The following PAH variants were observed in gnomAD, a reference collection of about 807,000 sequenced individuals.
PAH encodes phenylalanine hydroxylase.
A neutral mutation model predicts 62.0 loss-of-function variants in PAH; 64 were observed. The observed-to-expected ratio is 1.03, with a 90% confidence interval of 0.84 to 1.27. The LOEUF (loss-of-function observed/expected upper bound fraction) is 1.27, where lower values mean the gene tolerates loss of function less well. Among genes scored for constraint, PAH ranks in the 50% most tolerant of loss-of-function variants. PAH has a pLI of 0.00. For synonymous variants in PAH, 195 were observed against 196.2 expected, an observed-to-expected ratio of 0.99 and a Z score of 0.05; for missense variants, 579 against 542.8, an observed-to-expected ratio of 1.07 and a Z score of -0.66.
intron 4 of PAH, 107 bp downstream of exon 4, chr12:102,877,355 T>C: frequency 2.3e-6 from 2 of 879,274 alleles, no homozygotes; most frequent in Non-Finnish European, 3.9e-6. Context: ...TAAGTGTTTG[T>C]TGAACAAGTG....
intron 1 of PAH, 36 bp downstream of exon 1, chr12:102,917,035 T>G: frequency 6.2e-7 from 1 of 1,603,102 alleles, no homozygotes; most frequent in Non-Finnish European, 8.5e-7. Context: ...AGGCCCAAAT[T>G]CCCCTAACTG....
At chr12:102,952,059 G>A (rs1252032220), upstream of PAH, among the ~76,000 whole-genome samples, 2 of 152,090 alleles carry the variant, frequency 1.3e-5, no homozygotes, top group Non-Finnish European at 2.9e-5. Context: ...ACTCAAGAGC[G>A]CTTTTTCTTG....
At chr12:102,923,221 G>A (rs36089410) in intron 1 of PAH, among the ~76,000 whole-genome samples, 22,853 of 152,184 alleles carry the variant, frequency 0.15, 1,785 homozygotes, top group African/African-American at 0.16. Flanking sequence ...CACACTTGTG[G>A]ATGATAATGC....
chr12:102,850,934 T>C (rs776379983), intron 8 of PAH, among the ~76,000 whole-genome samples: 3 of 151,912 alleles, frequency 2.0e-5, no homozygotes, highest in Non-Finnish European at 2.9e-5. Context: ...AATTAAAACA[T>C]TCAGCCAGGC....
intron 1 of PAH, among the ~76,000 whole-genome samples, chr12:102,931,735 T>A (rs1878882990): frequency 6.6e-6 from 1 of 152,200 alleles, no homozygotes; most frequent in Non-Finnish European, 1.5e-5. Context: ...TTCAGCCTTT[T>A]TCCTTGCCCT....
intron 2 of PAH, among the ~76,000 whole-genome samples, chr12:102,896,191 G>A (rs114226296): frequency 6.6e-6 from 1 of 150,504 alleles, no homozygotes; most frequent in Middle Eastern, 3.2e-3. Flanking sequence ...GGCACATGGG[G>A]CCTCATTGGG....
At chr12:102,909,418 A>T (rs1213393791) in intron 2 of PAH, among the ~76,000 whole-genome samples, 2 of 152,108 alleles carry the variant, frequency 1.3e-5, no homozygotes, top group East Asian at 1.9e-4. Context: ...TATTAAGGAA[A>T]GGTTTGTTTT....
chr12:102,951,062 G>T (rs1268183964), upstream of PAH, among the ~76,000 whole-genome samples: 10 of 152,130 alleles, frequency 6.6e-5, 1 homozygote, highest in Admixed American at 4.6e-4. Context: ...TGTGCGTGGG[G>T]GGGGAAGCAG....
chr12:102,939,841 AC>A (rs926770613), intron 1 of PAH, among the ~76,000 whole-genome samples: 7 of 152,168 alleles, frequency 4.6e-5, no homozygotes, highest in African/African-American at 1.7e-4. Flanking sequence ...TAGGGAGGAA[AC>A]AAAAGCCCAA....
chr12:102,857,615 C>T (rs1412152575), intron 5 of PAH, among the ~76,000 whole-genome samples: 6 of 152,250 alleles, frequency 3.9e-5, no homozygotes, highest in South Asian at 2.1e-4. Context: ...ATCAGACTAA[C>T]AGCTGATCTC....
At chr12:102,947,090 TAGGG>T (rs1374484819) in intron 1 of PAH, among the ~76,000 whole-genome samples, 2 of 152,134 alleles carry the variant, frequency 1.3e-5, no homozygotes, top group Admixed American at 6.5e-5. Context: ...GATATAGTAA[TAGGG>T]AGGAAGAAAA....
chr12:102,843,465 A>C (rs1015808825), intron 11 of PAH, among the ~76,000 whole-genome samples, 181 bp downstream of exon 11: 2 of 152,128 alleles, frequency 1.3e-5, no homozygotes, highest in Non-Finnish European at 2.9e-5. Context: ...AAAGGTCAGC[A>C]TGCCCAACCT....
At chr12:102,850,800 T>G (rs960925012) in intron 8 of PAH, among the ~76,000 whole-genome samples, 4 of 152,142 alleles carry the variant, frequency 2.6e-5, no homozygotes, top group African/African-American at 9.7e-5. Context: ...CAAAACTTTC[T>G]TTTTTGGCCA....
chr12:102,869,655 G>A (rs529989844), intron 4 of PAH, among the ~76,000 whole-genome samples: 55 of 152,272 alleles, frequency 3.6e-4, no homozygotes, highest in African/African-American at 1.2e-3. Context: ...CCAGCTCCTG[G>A]TTTCTAAGTT....
chr12:102,948,729 C>A (rs1472325141), intron 1 of PAH, among the ~76,000 whole-genome samples: 1 of 152,186 alleles, frequency 6.6e-6, no homozygotes, highest in Admixed American at 6.5e-5. Flanking sequence ...ACCCAGAATA[C>A]CTCTAGAGAA....
At chr12:102,910,570 C>T (rs1878167284) in intron 2 of PAH, among the ~76,000 whole-genome samples, 3 of 152,052 alleles carry the variant, frequency 2.0e-5, no homozygotes, top group Admixed American at 2.0e-4. Flanking sequence ...CGGGGTTTCA[C>T]CATGTTAGCC....
intron 1 of PAH, among the ~76,000 whole-genome samples, chr12:102,940,369 G>C (rs952049719): frequency 2.0e-5 from 3 of 152,150 alleles, no homozygotes; most frequent in African/African-American, 7.2e-5. Context: ...AATCTAGATG[G>C]CAATGAATAT....
intron 4 of PAH, among the ~76,000 whole-genome samples, chr12:102,867,631 T>C (rs1876035355): frequency 6.6e-6 from 1 of 152,072 alleles, no homozygotes; most frequent in South Asian, 2.1e-4. Context: ...GCTCACAATT[T>C]CTCTGCTCCA....
In PAH at chr12:102,868,176, GTA is replaced by G. The variant is rs201396594; in HGVS notation, c.442-1515_442-1514del. ...TATACACATATATATACATATATGT[GTA>G]TATATATATATATATATATATATAT... On this transcript the variant is annotated intron_variant, in intron 4 of 12. Coordinates refer to ENST00000553106, the MANE Select transcript of PAH (RefSeq NM_000277.3). Among the ~76,000 whole-genome samples the G allele has an allele frequency of 7.5e-3, 18 of 2,388 alleles. 2 individuals are homozygous for G. The highest frequency in any genetic ancestry group is 0.067 in the South Asian group (4 of 60). 1.6% of individuals were successfully genotyped at this position (2,388 alleles called of 152,430 possible).
Sources: allele counts gnomAD v4.1 joint callset (sites outside exome capture counted in the v4.1 genomes callset), GRCh38; gene constraint gnomAD v4.1.1; transcripts MANE v1.5; gene names NCBI Gene and HGNC (gene_info 2026-07-23, HGNC 2026-07-21).